PACS1: variants seen among roughly 807,000 people sequenced by gnomAD.
The protein encoded by PACS1 is PACS-1.
In PACS1, 24 loss-of-function variants were observed where a neutral mutation model predicts 115.0. The ratio of observed to expected loss-of-function variants is 0.21; its 90% CI spans 0.15 to 0.29. The LOEUF is 0.29. Among genes scored for constraint, PACS1 ranks in the 10% least tolerant of loss-of-function variants. The pLI is 1.00. For synonymous variants in PACS1, 453 were observed against 504.5 expected, an observed-to-expected ratio of 0.90 and a Z score of 1.37; for missense variants, 838 against 1,251.2, an observed-to-expected ratio of 0.67 and a Z score of 4.98.
At chr11:66,209,680 C>T (rs1264153326) in intron 2 of PACS1, among the ~76,000 whole-genome samples, 1 of 151,818 alleles carries the variant, frequency 6.6e-6, no homozygotes, top group Non-Finnish European at 1.5e-5. Flanking sequence ...GAGGCTGAAG[C>T]AAGCTGATCA....
chr11:66,084,583 G>A (rs1005107374), intron 1 of PACS1, among the ~76,000 whole-genome samples: 5 of 152,136 alleles, frequency 3.3e-5, no homozygotes, highest in African/African-American at 1.2e-4. Flanking sequence ...CTAGGGTGGT[G>A]GAGGTGGAGA....
chr11:66,241,985 A>G lies in PACS1; in HGVS notation c.2656+332A>G, dbSNP rs554930393. On this transcript the variant is annotated intron_variant, in intron 22 of 23. Coordinates refer to ENST00000320580, the MANE Select transcript of PACS1 (RefSeq NM_018026.4). ...ACTGCAGACAGGGAGAGGCCTCTCT[A>G]TATCACAGCTCCAGGTCCCTGTGAC... Among the ~76,000 whole-genome samples, 5 of 152,332 alleles carry G rather than the reference A, an allele frequency of 3.3e-5. No individual in the cohort carries two copies. In the East Asian group the frequency reaches 7.7e-4, roughly 24 times the overall value.
At chr11:66,173,642 A>G (rs1859789604) in intron 1 of PACS1, among the ~76,000 whole-genome samples, 1 of 151,902 alleles carries the variant, frequency 6.6e-6, no homozygotes, top group African/African-American at 2.4e-5. Context: ...CCCGGGAGGC[A>G]GAAGTTGTAG....
At chr11:66,173,665 A>G (rs906822684) in intron 1 of PACS1, among the ~76,000 whole-genome samples, 12 of 152,040 alleles carry the variant, frequency 7.9e-5, no homozygotes, top group African/African-American at 2.7e-4. Flanking sequence ...AGCCAAGATC[A>G]TGCCACCGCA....
chr11:66,179,425 C>T (rs1381361286), intron 1 of PACS1, among the ~76,000 whole-genome samples: 2 of 152,068 alleles, frequency 1.3e-5, no homozygotes, highest in South Asian at 2.1e-4. Flanking sequence ...GTGATCGGCC[C>T]GCCCCAGGCT....
chr11:66,233,052 C>T lies in PACS1; in HGVS notation c.1824C>T (p.Thr608=), dbSNP rs1855631649. 1.2e-6 allele frequency: 2 copies of T among 1,609,026 alleles called. No homozygotes were observed. The highest frequency in any genetic ancestry group is 1.7e-6 in the Non-Finnish European group (2 of 1,179,348). Residue 608 remains threonine (T), a synonymous_variant, in exon 15 of 24, where the codon ACC becomes ACT. Coordinates refer to ENST00000320580, the MANE Select transcript of PACS1 (RefSeq NM_018026.4). This position sits in a 1 kb window ranked among gnomAD's most constrained non-coding sequence, Gnocchi z 4.5. Reference sequence around the variant, plus strand: ...AGGCCGTGCTGTCCGCCCTGCTCACCCGGATCCAGCGCTAGTAAGGGCTCT... The same window carrying T: ...AGGCCGTGCTGTCCGCCCTGCTCACTCGGATCCAGCGCTAGTAAGGGCTCT... The part of the protein sequence containing the change: ...EVQAVLSALL[T]RIQRYCNCNS...
chr11:66,164,126 G>A lies in PACS1; in HGVS notation c.357-29360G>A, dbSNP rs567602309. On this transcript the variant is annotated intron_variant, in intron 1 of 23. Coordinates refer to ENST00000320580, the MANE Select transcript of PACS1 (RefSeq NM_018026.4). Reference sequence around the variant, plus strand: ...CCCGTCCTGGCTTTTCGGTTCATGGGAAGTGGCAGAATCTGGATTTAATGC... The same window carrying A: ...CCCGTCCTGGCTTTTCGGTTCATGGAAAGTGGCAGAATCTGGATTTAATGC... Among the ~76,000 whole-genome samples the A allele has an allele frequency of 1.6e-4, 24 of 152,276 alleles. No individual in the cohort carries two copies. The South Asian group carries it at 2.9e-3, about 18-fold the overall frequency.
chr11:66,239,071 G>A (rs1169271667), intron 20 of PACS1, 71 bp from the exon 21 acceptor site: 10 of 1,607,236 alleles, frequency 6.2e-6, no homozygotes, highest in South Asian at 2.2e-5. Context: ...GAGGAACCCC[G>A]GCTCCTTGCC....
intron 1 of PACS1, among the ~76,000 whole-genome samples, chr11:66,156,492 G>A (rs4310623): frequency 0.29 from 43,703 of 151,152 alleles, 6,582 homozygotes; most frequent in South Asian, 0.46. Flanking sequence ...TGATCCATCC[G>A]TCTTGGCCTC....
At chr11:66,137,051 C>G (rs1858863088) in intron 1 of PACS1, among the ~76,000 whole-genome samples, 1 of 137,168 alleles carries the variant, frequency 7.3e-6, no homozygotes, top group Non-Finnish European at 1.5e-5. Context: ...CGTCATTTGT[C>G]TCCAAGCTCT....
In PACS1 at chr11:66,241,424, C is replaced by T. The variant is rs759526112; in HGVS notation, c.2430-3C>T. 2.2e-5 allele frequency: 34 copies of T among 1,578,940 alleles called. No individual in the cohort carries two copies. The South Asian group carries it at 3.8e-4, about 18-fold the overall frequency. On this transcript the variant is annotated splice_polypyrimidine_tract_variant and splice_region_variant and intron_variant, in intron 21 of 23. Coordinates refer to ENST00000320580, the MANE Select transcript of PACS1 (RefSeq NM_018026.4). ...ACCTCTCCTCTTTGTTCCCTTTCCTCAGGAGCCCTAATAGCCCATATGGGG... is the reference window on the plus strand; with the variant it reads ...ACCTCTCCTCTTTGTTCCCTTTCCTTAGGAGCCCTAATAGCCCATATGGGG...
intron 22 of PACS1, among the ~76,000 whole-genome samples, chr11:66,242,139 G>A (rs1197921564): frequency 6.6e-6 from 1 of 152,226 alleles, no homozygotes; most frequent in Non-Finnish European, 1.5e-5. Context: ...GTAGCTTAAG[G>A]AGCTGGAGGG....
intron 1 of PACS1, among the ~76,000 whole-genome samples, chr11:66,091,005 C>T (rs1857650834): frequency 6.6e-6 from 1 of 152,062 alleles, no homozygotes; most frequent in South Asian, 2.1e-4. Flanking sequence ...TATGATTTCT[C>T]CACCCCAGTA....
chr11:66,192,470 G>A lies in PACS1; in HGVS notation c.357-1016G>A, dbSNP rs1328789185. On this transcript the variant is annotated intron_variant, in intron 1 of 23. Coordinates refer to ENST00000320580, the MANE Select transcript of PACS1 (RefSeq NM_018026.4). The stretch of plus-strand genomic sequence containing the variant: ...TCCAAAGGCCCTGAGGCGAGAGAGG[G>A]TGGCACTGCCACGGAGCCAAAGGAA... Among the ~76,000 whole-genome samples the A allele has an allele frequency of 1.7e-4, 26 of 152,256 alleles. 1 individual carries two copies. Among genetic ancestry groups the A allele is most frequent in the Admixed American group, 1.7e-3 (26 of 15,290 alleles).
chr11:66,194,099 G>A (rs1178014352), intron 2 of PACS1, among the ~76,000 whole-genome samples: 3 of 152,166 alleles, frequency 2.0e-5, no homozygotes, highest in Non-Finnish European at 2.9e-5. Context: ...TTGTAGTTGG[G>A]ACTACAGGCG....
chr11:66,123,189 CT>C (rs36008667), intron 1 of PACS1, among the ~76,000 whole-genome samples: 145 of 137,604 alleles, frequency 1.1e-3, no homozygotes, highest in African/African-American at 2.2e-3. Context: ...AAATTGTTAG[CT>C]TTTTTTTTTT....
At chr11:66,215,951 A>AC (rs1855197314) in intron 4 of PACS1, among the ~76,000 whole-genome samples, 168 bp from the exon 5 acceptor site, 4 of 138,490 alleles carry the variant, frequency 2.9e-5, no homozygotes, top group African/African-American at 6.0e-5. Flanking sequence ...TAATAATAAT[A>AC]AACAAAGTAA....
At chr11:66,179,190 C>T (rs1001079765) in intron 1 of PACS1, among the ~76,000 whole-genome samples, 16 of 152,096 alleles carry the variant, frequency 1.1e-4, no homozygotes, top group Admixed American at 1.0e-3. Flanking sequence ...TGAACTTAAC[C>T]ATCTTTTTAT....
intron 1 of PACS1, among the ~76,000 whole-genome samples, chr11:66,183,819 A>G (rs1256487018): frequency 6.6e-6 from 1 of 152,180 alleles, no homozygotes; most frequent in African/African-American, 2.4e-5. Context: ...TCTTAATTAC[A>G]TGCAAATTAA....
Sources: gnomAD v4.1 joint callset for allele counts (sites outside exome capture counted in the v4.1 genomes callset) on GRCh38, gnomAD v4.1.1 for gene constraint, Gnocchi (gnomAD v3.1) non-coding constraint, MANE v1.5 for transcripts, NCBI Gene and HGNC (gene_info 2026-07-23, HGNC 2026-07-21) for gene names.